Variants in PTPRD observed in about 807,000 individuals in gnomAD.
The protein encoded by PTPRD is receptor-type tyrosine-protein phosphatase delta.
A neutral mutation model predicts 214.5 loss-of-function variants in PTPRD; 34 were observed. The observed-to-expected ratio is 0.16, with a 90% confidence interval of 0.12 to 0.21. PTPRD has a LOEUF of 0.21. Among genes scored for constraint, PTPRD ranks in the 10% least tolerant of loss-of-function variants. PTPRD has a pLI of 1.00. For missense variants in PTPRD, 2,545 were observed against 2,398.7 expected, an observed-to-expected ratio of 1.06 and a Z score of -1.27; for synonymous variants, 1,128 against 845.7, an observed-to-expected ratio of 1.33 and a Z score of -5.79.
At chr9:10,503,731 G>T (rs1316331843) in intron 2 of PTPRD, among the ~76,000 whole-genome samples, 1 of 151,948 alleles carries the variant, frequency 6.6e-6, no homozygotes, top group Non-Finnish European at 1.5e-5. Context: ...ACTATATGGT[G>T]GGTGAGACAA....
chr9:9,839,961 A>T (rs1258981009), intron 5 of PTPRD, among the ~76,000 whole-genome samples: 1 of 152,128 alleles, frequency 6.6e-6, no homozygotes, highest in Non-Finnish European at 1.5e-5. Flanking sequence ...AAATAGTACT[A>T]AAAATAACGA....
At chr9:9,250,210 T>C (rs2099974895) in intron 9 of PTPRD, among the ~76,000 whole-genome samples, 1 of 152,098 alleles carries the variant, frequency 6.6e-6, no homozygotes, top group African/African-American at 2.4e-5. Context: ...GCCCTGAGCA[T>C]GAGCATGTGT....
At chr9:10,077,071 A>T (rs1197503945) in intron 3 of PTPRD, among the ~76,000 whole-genome samples, 2 of 152,160 alleles carry the variant, frequency 1.3e-5, no homozygotes. Context: ...CAGACACCAA[A>T]CAAATTGTGG....
intron 2 of PTPRD, among the ~76,000 whole-genome samples, chr9:10,512,904 A>T (rs1034426096): frequency 2.0e-5 from 3 of 152,224 alleles, no homozygotes; most frequent in East Asian, 1.9e-4. Context: ...AAAGAAAAAA[A>T]AATAATTTAA....
At chr9:9,438,197 T>C (rs2086102009) in intron 8 of PTPRD, among the ~76,000 whole-genome samples, 1 of 152,098 alleles carries the variant, frequency 6.6e-6, no homozygotes, top group Non-Finnish European at 1.5e-5. Flanking sequence ...CATCATATTA[T>C]GAGGTATTAA....
chr9:8,878,280 A>G (rs1388119421), intron 11 of PTPRD, among the ~76,000 whole-genome samples: 1 of 152,150 alleles, frequency 6.6e-6, no homozygotes, highest in Admixed American at 6.5e-5. Flanking sequence ...CATTCCGGGC[A>G]CAGACAATAC....
intron 12 of PTPRD, among the ~76,000 whole-genome samples, chr9:8,724,130 A>G (rs1349476238): frequency 6.6e-6 from 1 of 152,204 alleles, no homozygotes. Flanking sequence ...AAGTTTAGAT[A>G]AAACTATCTG....
In PTPRD at chr9:8,339,024, T is replaced by G. The variant is rs766256679; in HGVS notation, c.5277A>C (p.Pro1759=). Residue 1759 remains proline, a synonymous_variant, in exon 43 of 46, where the codon CCA becomes CCC. Coordinates refer to ENST00000381196, the MANE Select transcript of PTPRD (RefSeq NM_002839.4). ...ACTGGTATCTTGCAGACCGTTCTGC[T>G]GGCCAGTATTGGTGACATTTCTCCT... ...MGREKCHQYW[P]AERSARYQYF... is the part of the protein sequence containing the mutation. 1.2e-6 allele frequency: 2 copies of G among 1,612,062 alleles called. No homozygotes were observed. Among genetic ancestry groups the G allele is most frequent in the African/African-American group, 1.3e-5 (1 of 74,936 alleles).
chr9:9,632,842 G>A (rs1431612802), intron 7 of PTPRD, among the ~76,000 whole-genome samples: 3 of 152,158 alleles, frequency 2.0e-5, no homozygotes, highest in East Asian at 1.9e-4. Context: ...CTTCCCAGAG[G>A]ATGTGATTTT....
intron 9 of PTPRD, among the ~76,000 whole-genome samples, chr9:9,248,353 C>A (rs1427632262): frequency 6.6e-6 from 1 of 152,066 alleles, no homozygotes; most frequent in African/African-American, 2.4e-5. Context: ...CTCAGACTCC[C>A]AAAGTGATGG....
intron 11 of PTPRD, among the ~76,000 whole-genome samples, chr9:8,873,178 C>T (rs1329046998): frequency 2.0e-5 from 3 of 152,274 alleles, no homozygotes; most frequent in African/African-American, 4.8e-5. Flanking sequence ...ATTCATCTTA[C>T]ATCTTGCACA....
chr9:9,153,914 G>C (rs539511862), intron 10 of PTPRD, among the ~76,000 whole-genome samples: 1 of 152,236 alleles, frequency 6.6e-6, no homozygotes, highest in South Asian at 2.1e-4. Context: ...GAGGCAGATG[G>C]TGTTATTGTT....
chr9:8,585,869 G>C (rs1046311786), intron 14 of PTPRD, among the ~76,000 whole-genome samples: 7 of 152,114 alleles, frequency 4.6e-5, no homozygotes, highest in African/African-American at 1.7e-4. Flanking sequence ...TCAAAACATT[G>C]TTATGGAGTC....
chr9:10,181,942 TAAAAAAAAAAAAAAAAA>T (rs3075573), intron 3 of PTPRD, among the ~76,000 whole-genome samples: 1 of 38,514 alleles, frequency 2.6e-5, no homozygotes, highest in East Asian at 6.6e-4. Context: ...TCATAAATAC[TAAAAAAAAAAAAAAAAA>T]AAAAAAAAAG....
chr9:10,383,918 TA>T lies in PTPRD; in HGVS notation c.-599-42902del, dbSNP rs1180657059. Among the ~76,000 whole-genome samples, 3 of 151,862 alleles carry T rather than the reference TA, an allele frequency of 2.0e-5. No individual in the cohort carries two copies. In the East Asian group the frequency reaches 5.9e-4, roughly 30 times the overall value. ...AACAATTTATCTATCTTAAGAATAT[TA>T]ACCATAGGTTTAATCTACCAAGGAG... is the stretch of plus-strand genomic sequence containing the variant. On this transcript the variant is annotated intron_variant, in intron 2 of 45. Transcript: ENST00000381196.
chr9:9,145,544 C>T (rs1299078256), intron 10 of PTPRD, among the ~76,000 whole-genome samples: 3 of 152,106 alleles, frequency 2.0e-5, no homozygotes, highest in Non-Finnish European at 2.9e-5. Flanking sequence ...ATAAACTAAA[C>T]TCTAACATAC....
chr9:10,079,375 A>C (rs978573813), intron 3 of PTPRD, among the ~76,000 whole-genome samples: 5 of 152,060 alleles, frequency 3.3e-5, no homozygotes, highest in Non-Finnish European at 5.9e-5. Flanking sequence ...TTTTAAACTA[A>C]AATATGTATT....
At chr9:10,376,813 A>G (rs1300893403) in intron 2 of PTPRD, among the ~76,000 whole-genome samples, 1 of 151,842 alleles carries the variant, frequency 6.6e-6, no homozygotes, top group East Asian at 1.9e-4. Flanking sequence ...GGTACATGAG[A>G]TGTTTTGATA....
chr9:8,662,070 C>T (rs1444933950), intron 12 of PTPRD, among the ~76,000 whole-genome samples: 1 of 152,160 alleles, frequency 6.6e-6, no homozygotes, highest in African/African-American at 2.4e-5. Flanking sequence ...ATGCATACCA[C>T]CAGAGCCAAC....
Sources: allele counts gnomAD v4.1 joint callset (sites outside exome capture counted in the v4.1 genomes callset), GRCh38; gene constraint gnomAD v4.1.1; transcripts MANE v1.5; gene names NCBI Gene and HGNC (gene_info 2026-07-23, HGNC 2026-07-21).